DISP1: variants seen among roughly 807,000 people sequenced by gnomAD.
DISP1 encodes the protein protein dispatched homolog 1.
A neutral mutation model predicts 37.3 loss-of-function variants in DISP1; 30 were observed. The observed-to-expected ratio is 0.80, with a 90% CI of 0.60 to 1.09. The LOEUF (loss-of-function observed/expected upper bound fraction) is 1.09. DISP1 is among the 50% of genes least tolerant of loss of function. DISP1 has a pLI of 0.00. For missense variants in DISP1, 1,598 were observed against 1,879.5 expected, an observed-to-expected ratio of 0.85 and a Z score of 2.77; for synonymous variants, 634 against 690.2, an observed-to-expected ratio of 0.92 and a Z score of 1.28.
At chr1:222,936,336 A>G (rs182110486) in intron 2 of DISP1, among the ~76,000 whole-genome samples, 1 of 152,146 alleles carries the variant, frequency 6.6e-6, no homozygotes, top group East Asian at 1.9e-4. Flanking sequence ...CTCTTGACAA[A>G]TGAAATTATC....
At chr1:222,943,875 A>C (rs527904835) in intron 3 of DISP1, among the ~76,000 whole-genome samples, 1 of 152,196 alleles carries the variant, frequency 6.6e-6, no homozygotes, top group South Asian at 2.1e-4. Flanking sequence ...CTAAAAATAC[A>C]AAAAATTAGC....
At chr1:223,001,672 A>T (rs1009912405) in intron 8 of DISP1, among the ~76,000 whole-genome samples, 1 of 152,208 alleles carries the variant, frequency 6.6e-6, no homozygotes, top group African/African-American at 2.4e-5. Flanking sequence ...CCTGTTCCTC[A>T]TAGATGGGGC....
intron 3 of DISP1, among the ~76,000 whole-genome samples, chr1:222,952,935 C>T (rs571198525): frequency 2.5e-4 from 38 of 152,310 alleles, no homozygotes; most frequent in Admixed American, 2.2e-3. Flanking sequence ...CAATATCCTT[C>T]AGAATCTTCT....
At chr1:222,962,528 T>C (rs1315790827) in intron 3 of DISP1, among the ~76,000 whole-genome samples, 1 of 152,128 alleles carries the variant, frequency 6.6e-6, no homozygotes, top group African/African-American at 2.4e-5. Flanking sequence ...GACTTCAAAC[T>C]TTACCACAAG....
rs544937713 is a variant in DISP1, at chr1:222,873,526, T to C, written c.-158-54904T>C. ...TTGAATTGATCCCTTTACCATTATG[T>C]AATGGCCTTCTTTGTCTCTTTTGAT... is the stretch of plus-strand genomic sequence containing the variant. On this transcript the variant is annotated intron_variant, in intron 1 of 8. Coordinates refer to ENST00000675850, the MANE Select transcript of DISP1 (RefSeq NM_001377229.1). 3.3e-5 allele frequency among the ~76,000 whole-genome samples: 5 copies of C among 152,376 alleles called. No homozygotes were observed. In the South Asian group the frequency reaches 8.3e-4, roughly 25 times the overall value.
chr1:222,864,910 T>C (rs1275955914), intron 1 of DISP1, among the ~76,000 whole-genome samples: 2 of 152,186 alleles, frequency 1.3e-5, no homozygotes, highest in Non-Finnish European at 2.9e-5. Context: ...TTATTAACTC[T>C]GTGAGTAATT....
chr1:222,833,422 C>A (rs1666259870), intron 1 of DISP1, among the ~76,000 whole-genome samples: 1 of 152,160 alleles, frequency 6.6e-6, no homozygotes, highest in African/African-American at 2.4e-5. Context: ...CAACCGCCCT[C>A]TAGTACCCTA....
At chr1:222,935,863 T>C (rs533551952) in intron 2 of DISP1, among the ~76,000 whole-genome samples, 1 of 152,346 alleles carries the variant, frequency 6.6e-6, no homozygotes, top group African/African-American at 2.4e-5. Flanking sequence ...GGGAGCCATC[T>C]AGTTTGATTG....
chr1:222,917,101 C>T (rs1672536184), intron 1 of DISP1, among the ~76,000 whole-genome samples: 1 of 152,196 alleles, frequency 6.6e-6, no homozygotes, highest in African/African-American at 2.4e-5. Context: ...TCTCTCTGCT[C>T]CTTCTACCCA....
At chr1:222,983,244 A>G (rs1187221007) in intron 4 of DISP1, 135 bp downstream of exon 4, 1 of 762,664 alleles carries the variant, frequency 1.3e-6, no homozygotes, top group Admixed American at 2.3e-5. Flanking sequence ...GAAATGTCCC[A>G]TGAGTTGGCT....
At chr1:222,958,464 G>A (rs959900850) in intron 3 of DISP1, among the ~76,000 whole-genome samples, 1 of 151,986 alleles carries the variant, frequency 6.6e-6, no homozygotes, top group African/African-American at 2.4e-5. Context: ...GTTTTCCCTT[G>A]GACTGGCATA....
intron 1 of DISP1, among the ~76,000 whole-genome samples, chr1:222,824,497 A>G (rs2125170667): frequency 6.6e-6 from 1 of 152,316 alleles, no homozygotes; most frequent in East Asian, 1.9e-4. Flanking sequence ...TGATACTTGA[A>G]GTACTTTTTA....
At chr1:222,850,072 G>A (rs1224617605) in intron 1 of DISP1, among the ~76,000 whole-genome samples, 1 of 152,088 alleles carries the variant, frequency 6.6e-6, no homozygotes, top group Admixed American at 6.5e-5. Context: ...AGTTTCTTGA[G>A]CTGTAAAATG....
In DISP1 at chr1:222,916,542, G is replaced by A. The variant is rs543331396; in HGVS notation, c.-158-11888G>A. ...TTTCAGTGTTTTTGAAATGGCATTT[G>A]CTGAGCTTAGTGACATGCTGTCCTT... On this transcript the variant is annotated intron_variant, in intron 1 of 8. Transcript: ENST00000675850. Among the ~76,000 whole-genome samples the A allele has an allele frequency of 7.9e-5, 12 of 152,306 alleles. No individual in the cohort carries two copies. The South Asian group carries it at 2.5e-3, about 32-fold the overall frequency.
chr1:222,921,047 C>T (rs1051097552), intron 1 of DISP1, among the ~76,000 whole-genome samples: 3 of 152,296 alleles, frequency 2.0e-5, no homozygotes, highest in East Asian at 3.9e-4. Context: ...CAGTGGCTCA[C>T]GCCTGTAATC....
At chr1:222,990,975 C>G (rs1191908663) in intron 5 of DISP1, among the ~76,000 whole-genome samples, 2 of 152,140 alleles carry the variant, frequency 1.3e-5, no homozygotes, top group Non-Finnish European at 2.9e-5. Context: ...TCTTGGTCCC[C>G]ATGTTTAAGC....
intron 1 of DISP1, among the ~76,000 whole-genome samples, chr1:222,925,102 A>G (rs552887093): frequency 1.1e-4 from 17 of 152,322 alleles, no homozygotes; most frequent in Middle Eastern, 3.4e-3. Flanking sequence ...ATTTATTTAT[A>G]AAATAATTAT....
intron 1 of DISP1, among the ~76,000 whole-genome samples, chr1:222,892,043 C>T (rs951117591): frequency 3.3e-5 from 5 of 151,778 alleles, no homozygotes; most frequent in Admixed American, 3.3e-4. Flanking sequence ...CATAAAGATA[C>T]GTAAGAGAAG....
intron 1 of DISP1, among the ~76,000 whole-genome samples, chr1:222,821,724 C>T (rs566765805): frequency 1.8e-4 from 27 of 152,024 alleles, no homozygotes; most frequent in African/African-American, 6.3e-4. Flanking sequence ...AAAAATAATA[C>T]AAATATTAGC....
Sources: gnomAD v4.1 joint callset for allele counts (sites outside exome capture counted in the v4.1 genomes callset) on GRCh38, gnomAD v4.1.1 for gene constraint, MANE v1.5 for transcripts, NCBI Gene and HGNC (gene_info 2026-07-23, HGNC 2026-07-21) for gene names.